Variants in MEOX2 observed in about 807,000 individuals in gnomAD.
MEOX2 encodes mesenchyme homeobox 2.
Under a neutral mutation model 27.0 loss-of-function variants are expected in MEOX2, and 11 were observed. That is an observed-to-expected ratio of 0.41 (90% CI 0.26 to 0.68). MEOX2 has a LOEUF of 0.68. Ranked by LOEUF, MEOX2 falls within the 30% of genes least tolerant of loss-of-function variation. The pLI, the probability that MEOX2 is intolerant of heterozygous loss-of-function variation, is 0.33. For synonymous variants in MEOX2, 189 were observed against 155.4 expected, an observed-to-expected ratio of 1.22 and a Z score of -1.61; for missense variants, 436 against 385.4, an observed-to-expected ratio of 1.13 and a Z score of -1.10.
At chr7:15,649,062 C>T (rs1297792017) in intron 1 of MEOX2, among the ~76,000 whole-genome samples, 1 of 152,058 alleles carries the variant, frequency 6.6e-6, no homozygotes. Flanking sequence ...TCCAGGATTC[C>T]TCATCTCTGT....
chr7:15,675,051 T>C (rs188161996), intron 1 of MEOX2, among the ~76,000 whole-genome samples: 3 of 152,270 alleles, frequency 2.0e-5, no homozygotes, highest in East Asian at 3.9e-4. Context: ...AAATACAATA[T>C]AGGTAATGCT....
rs895198118 is a variant in MEOX2 at position 15,686,172 on chromosome 7, A to G, written c.231T>C (p.His77=). 1 of 1,532,156 alleles carries G rather than the reference A, an allele frequency of 6.5e-7. No homozygotes were observed. Among genetic ancestry groups the G allele is most frequent in the East Asian group, 2.4e-5 (1 of 41,028 alleles). The allele number at this position is 1,532,156 out of a possible 1,614,324, so 94.9% of individuals were successfully genotyped here. A position where few individuals can be genotyped will look rare whatever the true frequency, so the allele number is the denominator to read the frequency against. Reference sequence around the variant, plus strand: ...GGTGCTGCTGCTGCTGATGGTGGTGATGGTGGTGGTGGTGGTGGTGGTGGT... The same window carrying G: ...GGTGCTGCTGCTGCTGATGGTGGTGGTGGTGGTGGTGGTGGTGGTGGTGGT... ...GHHHHHHHHH[H]HHHQQQQHQA... The change falls in exon 1 of 3, where the codon CAT becomes CAC. Residue 77 remains histidine, a synonymous_variant. Coordinates refer to ENST00000262041, the MANE Select transcript of MEOX2 (RefSeq NM_005924.5).
intron 1 of MEOX2, among the ~76,000 whole-genome samples, chr7:15,674,728 A>G (rs905024668): frequency 2.6e-5 from 4 of 152,124 alleles, no homozygotes; most frequent in African/African-American, 9.7e-5. Context: ...TCAATGTTAG[A>G]CTGCTCCAGA....
chr7:15,633,797 T>C (rs1365770132), intron 1 of MEOX2, among the ~76,000 whole-genome samples: 1 of 151,884 alleles, frequency 6.6e-6, no homozygotes, highest in Non-Finnish European at 1.5e-5. Context: ...GGGTAACTTA[T>C]GAGTATGAAT....
At chr7:15,652,617 CT>C (rs1161928862) in intron 1 of MEOX2, among the ~76,000 whole-genome samples, 2 of 151,906 alleles carry the variant, frequency 1.3e-5, no homozygotes, top group African/African-American at 4.8e-5. Flanking sequence ...TTAGGTTAAT[CT>C]TTTTATTTTG....
chr7:15,614,078 G>C (rs1222246442), intron 2 of MEOX2, among the ~76,000 whole-genome samples: 1 of 150,306 alleles, frequency 6.7e-6, no homozygotes, highest in Non-Finnish European at 1.5e-5. Flanking sequence ...CTAGTGTTTT[G>C]TGTTTTCTTT....
At chr7:15,613,022 T>C (rs1212404267) in intron 2 of MEOX2, among the ~76,000 whole-genome samples, 1 of 152,218 alleles carries the variant, frequency 6.6e-6, no homozygotes, top group Non-Finnish European at 1.5e-5. Context: ...TGAACCAATT[T>C]AAAACATGCT....
intron 1 of MEOX2, among the ~76,000 whole-genome samples, chr7:15,654,491 G>T (rs1394248277): frequency 6.6e-6 from 1 of 151,704 alleles, no homozygotes; most frequent in African/African-American, 2.4e-5. Context: ...GATCTTAAGG[G>T]TAAAACATTC....
intron 1 of MEOX2, among the ~76,000 whole-genome samples, chr7:15,639,657 G>A (rs1404168579): frequency 6.6e-6 from 1 of 152,064 alleles, no homozygotes; most frequent in Non-Finnish European, 1.5e-5. Context: ...GAGAGATAAG[G>A]TTCCAGTTTC....
intron 1 of MEOX2, among the ~76,000 whole-genome samples, chr7:15,682,951 G>T (rs948037224): frequency 2.0e-5 from 3 of 151,838 alleles, no homozygotes; most frequent in Non-Finnish European, 4.4e-5. Flanking sequence ...ATTAAATTTG[G>T]TTATTTTCAA....
chr7:15,625,872 T>C (rs1261172456), intron 2 of MEOX2, among the ~76,000 whole-genome samples: 2 of 152,158 alleles, frequency 1.3e-5, no homozygotes, highest in Admixed American at 6.6e-5. Flanking sequence ...AAGCAATTAA[T>C]TTAAAAATAT....
intron 1 of MEOX2, among the ~76,000 whole-genome samples, chr7:15,659,667 G>A (rs1781879296): frequency 6.6e-6 from 1 of 151,234 alleles, no homozygotes; most frequent in Non-Finnish European, 1.5e-5. Context: ...GGCTGAGGCA[G>A]GAGAATGGCG....
chr7:15,655,177 A>T (rs1230517674), intron 1 of MEOX2, among the ~76,000 whole-genome samples: 3 of 151,644 alleles, frequency 2.0e-5, no homozygotes, highest in Non-Finnish European at 4.4e-5. Context: ...GGAATTAATC[A>T]TGGTATTTTC....
intron 1 of MEOX2, among the ~76,000 whole-genome samples, chr7:15,668,508 G>A (rs1782044941): frequency 6.6e-6 from 1 of 152,034 alleles, no homozygotes; most frequent in Admixed American, 6.6e-5. Flanking sequence ...TTGAGACAGA[G>A]TTTTGCTCTG....
intron 1 of MEOX2, among the ~76,000 whole-genome samples, chr7:15,637,684 A>T (rs1042031572): frequency 6.6e-6 from 1 of 152,068 alleles, no homozygotes; most frequent in South Asian, 2.1e-4. Context: ...TATAACTTGT[A>T]CAGTTCTGTT....
intron 1 of MEOX2, among the ~76,000 whole-genome samples, chr7:15,630,925 C>A (rs910568175): frequency 1.3e-5 from 2 of 151,844 alleles, no homozygotes; most frequent in Non-Finnish European, 2.9e-5. Context: ...AGTAAACAAC[C>A]TTCTCCAGGA....
At chr7:15,666,779 A>AAAAATATATATATAT (rs1782014585) in intron 1 of MEOX2, among the ~76,000 whole-genome samples, 1 of 33,300 alleles carries the variant, frequency 3.0e-5, no homozygotes, top group African/African-American at 1.1e-4. Flanking sequence ...AAAAAAAAAA[A>AAAAATATATATATAT]ATATATATAT....
intron 1 of MEOX2, among the ~76,000 whole-genome samples, chr7:15,672,108 A>T (rs932758067): frequency 6.6e-6 from 1 of 151,606 alleles, no homozygotes; most frequent in Admixed American, 6.6e-5. Context: ...AAACAAAAAA[A>T]ACAAAAAAAC....
In MEOX2 at chr7:15,686,138, G is replaced by C. The variant is rs1320405727; in HGVS notation, c.265C>G (p.Gln89Glu). 6.3e-7 allele frequency: 1 copy of C among 1,582,512 alleles called. No individual in the cohort carries two copies. The highest frequency in any genetic ancestry group is 8.6e-7 in the Non-Finnish European group (1 of 1,165,562). The change falls in exon 1 of 3, where the codon CAA (glutamine) becomes GAA (glutamate). Residue 89 changes from glutamine to glutamate, a missense_variant. By Grantham distance (29) the Gln-to-Glu change is conservative. Coordinates refer to ENST00000262041, the MANE Select transcript of MEOX2 (RefSeq NM_005924.5). ...HHQQQQHQALQTNWHLPQMSS... is the reference protein window; with the variant it reads ...HHQQQQHQALETNWHLPQMSS... ...ATCTGCGGGAGGTGCCAGTTGGTTT[G>C]CAGAGCCTGGTGCTGCTGCTGCTGA...
Sources: gnomAD v4.1 joint callset for allele counts (sites outside exome capture counted in the v4.1 genomes callset) on GRCh38, gnomAD v4.1.1 for gene constraint, MANE v1.5 for transcripts, NCBI Gene and HGNC (gene_info 2026-07-23, HGNC 2026-07-21) for gene names.